Variants in ZNF730 observed in about 807,000 individuals in gnomAD.
The protein encoded by ZNF730 is putative zinc finger protein 730.
In ZNF730, 12 loss-of-function variants were observed where a neutral mutation model predicts 12.6. The ratio of observed to expected loss-of-function variants is 0.95; its 90% CI spans 0.61 to 1.54. The LOEUF (loss-of-function observed/expected upper bound fraction) is 1.54, where lower values mean the gene tolerates loss of function less well. Ranked by LOEUF, ZNF730 falls within the 40% of genes most tolerant of loss-of-function variation. The pLI is 0.00. For missense variants in ZNF730, 643 were observed against 583.5 expected (o/e 1.10, Z -1.05); for synonymous variants, 194 against 195.8 (o/e 0.99, Z 0.08).
At position 23,103,295 on chromosome 19, in the gene ZNF730, A is replaced by T. The variant is rs1970356349; in HGVS notation, c.-94+27908A>T. Reference sequence around the variant, plus strand: ...TTGTAAAAATCTTGCAAAGAATTCCATGTGTGGTTATATTGACTAAATTCA... The same window carrying T: ...TTGTAAAAATCTTGCAAAGAATTCCTTGTGTGGTTATATTGACTAAATTCA... On this transcript the variant is annotated intron_variant, in intron 1 of 2. Coordinates refer to the ZNF730 transcript ENST00000593635. Among the ~76,000 whole-genome samples the T allele has an allele frequency of 2.6e-5, 4 of 152,230 alleles. No individual in the cohort carries two copies. In the South Asian group the frequency reaches 8.3e-4, roughly 31 times the overall value.
At chr19:23,145,142 G>A in intron 3 of ZNF730, 129 bp from the exon 4 acceptor site, 1 of 638,086 alleles carries the variant, frequency 1.6e-6, no homozygotes, top group South Asian at 4.7e-5. Flanking sequence ...ATATGTTTAT[G>A]AAGAAATTAG....
intron 1 of ZNF730, among the ~76,000 whole-genome samples, chr19:23,128,940 T>C (rs1305761285): frequency 6.6e-6 from 1 of 152,146 alleles, no homozygotes. Context: ...ACTACAGTCA[T>C]GGCTAAAAGG....
intron 1 of ZNF730, among the ~76,000 whole-genome samples, chr19:23,083,338 C>T (rs946179055): frequency 8.5e-5 from 13 of 152,052 alleles, no homozygotes; most frequent in African/African-American, 3.1e-4. Flanking sequence ...GCAGGAGAAC[C>T]GCTTGAACCG....
chr19:23,117,071 C>T lies in ZNF730; in HGVS notation c.-103C>T, dbSNP rs373559913. On this transcript the variant is annotated 5_prime_UTR_variant, in exon 1 of 4. Transcript: ENST00000597761. The stretch of plus-strand genomic sequence containing the variant: ...CGAAGCTCCAATTTTCGTCTGTCTG[C>T]TTTGTGTCCTCTGCACGTAGAAGCC... 1.6e-5 allele frequency: 25 copies of T among 1,582,566 alleles called. No homozygotes were observed. Among genetic ancestry groups the T allele is most frequent in the South Asian group, 3.3e-5 (3 of 89,732 alleles).
In ZNF730 at chr19:23,106,861, T is replaced by C. The variant is rs146261149; in HGVS notation, c.-93-27219T>C. Among the ~76,000 whole-genome samples the C allele has an allele frequency of 3.7e-3, 563 of 152,166 alleles. 4 individuals carry two copies. Among genetic ancestry groups the C allele is most frequent in the African/African-American group, 0.011 (455 of 41,502 alleles). On this transcript the variant is annotated intron_variant, in intron 1 of 2. Coordinates refer to the ZNF730 transcript ENST00000593635. Reference sequence around the variant, plus strand: ...ATCACTTTGAAAAACAGTGTTTTGATTGAATACTGCAAGAGTCAAAAACTA... The same window carrying C: ...ATCACTTTGAAAAACAGTGTTTTGACTGAATACTGCAAGAGTCAAAAACTA...
intron 1 of ZNF730, among the ~76,000 whole-genome samples, chr19:23,129,333 A>C (rs541995856): frequency 3.9e-5 from 6 of 152,230 alleles, no homozygotes; most frequent in Middle Eastern, 3.4e-3. Context: ...CCAGCCCATG[A>C]AGGTGGCCAG....
At chr19:23,143,615 A>G (rs1382686174) in intron 3 of ZNF730, 1 of 152,202 alleles carries the variant, frequency 6.6e-6, no homozygotes, top group Admixed American at 6.5e-5. Flanking sequence ...GAAGTTTTAT[A>G]AGTATATGCA....
chr19:23,144,456 T>C (rs544248406), intron 3 of ZNF730, among the ~76,000 whole-genome samples: 2 of 152,232 alleles, frequency 1.3e-5, no homozygotes, highest in African/African-American at 4.8e-5. Context: ...ATCCCAGCAC[T>C]TTGAGAGGCT....
chr19:23,076,388 C>G (rs980905351), intron 1 of ZNF730, among the ~76,000 whole-genome samples: 2 of 152,208 alleles, frequency 1.3e-5, no homozygotes, highest in African/African-American at 4.8e-5. Context: ...CCACTTTTAT[C>G]TTCCCTAGGT....
chr19:23,109,916 C>T (rs1970441592), intron 1 of ZNF730, among the ~76,000 whole-genome samples: 1 of 151,998 alleles, frequency 6.6e-6, no homozygotes, highest in Admixed American at 6.6e-5. Flanking sequence ...GTTATTATGA[C>T]AAATTATTGT....
chr19:23,096,704 A>G (rs1262115575), intron 1 of ZNF730, among the ~76,000 whole-genome samples: 2 of 152,154 alleles, frequency 1.3e-5, no homozygotes, highest in African/African-American at 4.8e-5. Context: ...CCTCCCCACA[A>G]GGGGTACTGT....
At chr19:23,096,156 A>G (rs1970247150) in intron 1 of ZNF730, among the ~76,000 whole-genome samples, 1 of 152,006 alleles carries the variant, frequency 6.6e-6, no homozygotes, top group African/African-American at 2.4e-5. Flanking sequence ...TGAGACCCTC[A>G]ATTAGGTGAA....
Position 23,117,051 on chromosome 19 carries a change from C to T in ZNF730, c.-123C>T. The T allele has an allele frequency of 6.6e-7, 1 of 1,511,950 alleles. No homozygotes were observed. Among genetic ancestry groups the T allele is most frequent in the Non-Finnish European group, 9.0e-7 (1 of 1,110,640 alleles). 93.7% of individuals were successfully genotyped at this position (1,511,950 alleles called of 1,614,324 possible). A position where few individuals can be genotyped will look rare whatever the true frequency, so the allele number is the denominator to read the frequency against. The stretch of plus-strand genomic sequence containing the variant: ...CCTTTGTTTCTCGCTGCCGCCGAAG[C>T]TCCAATTTTCGTCTGTCTGCTTTGT... On this transcript the variant is annotated 5_prime_UTR_variant, in exon 1 of 4. Transcript: ENST00000597761.
intron 1 of ZNF730, among the ~76,000 whole-genome samples, chr19:23,104,054 T>C (rs920601461): frequency 1.3e-5 from 2 of 152,166 alleles, no homozygotes; most frequent in African/African-American, 2.4e-5. Flanking sequence ...CTTACACCTG[T>C]AATCCCAGCA....
Position 23,117,185 on chromosome 19 carries a change from GCCGGTCCGA to G in ZNF730, c.3+11_3+19del. ...CTGGAAGCCTAGAAATGGTGAGAGT[GCCGGTCCGA>G]CATCCCGAGAGAGGGAACGGGGCTG... On this transcript the variant is annotated intron_variant, in intron 1 of 3. Coordinates refer to ENST00000597761, the MANE Select transcript of ZNF730 (RefSeq NM_001277403.2). The G allele has an allele frequency of 1.2e-6, 2 of 1,613,930 alleles. No individual in the cohort carries two copies. Among genetic ancestry groups the G allele is most frequent in the Non-Finnish European group, 1.7e-6 (2 of 1,179,820 alleles).
chr19:23,104,950 G>A (rs1970375385), intron 1 of ZNF730, among the ~76,000 whole-genome samples: 1 of 152,040 alleles, frequency 6.6e-6, no homozygotes, highest in Non-Finnish European at 1.5e-5. Context: ...ACATGGCTGT[G>A]CTCAGCTTTA....
At chr19:23,100,766 C>T (rs936474692) in intron 1 of ZNF730, among the ~76,000 whole-genome samples, 3 of 151,274 alleles carry the variant, frequency 2.0e-5, no homozygotes, top group African/African-American at 4.9e-5. Flanking sequence ...AGCGATTCTC[C>T]TGCCTCATCC....
Position 23,081,640 on chromosome 19 carries a change from A to G in ZNF730, c.-94+6253A>G, listed in dbSNP as rs186909333. Reference sequence around the variant, plus strand: ...TGGCTAATTTTTGTATTTTCAGTGGAGATGGGATTTTGCCATGTTGGCCAG... The same window carrying G: ...TGGCTAATTTTTGTATTTTCAGTGGGGATGGGATTTTGCCATGTTGGCCAG... On this transcript the variant is annotated intron_variant, in intron 1 of 2. Transcript: ENST00000593635. Among the ~76,000 whole-genome samples, 63 of 152,174 alleles carry G rather than the reference A, an allele frequency of 4.1e-4. No homozygotes were observed. In the South Asian group the frequency reaches 6.4e-3, roughly 16 times the overall value.
At chr19:23,106,050 A>C (rs1361966340) in intron 1 of ZNF730, among the ~76,000 whole-genome samples, 1 of 152,114 alleles carries the variant, frequency 6.6e-6, no homozygotes, top group Non-Finnish European at 1.5e-5. Flanking sequence ...TAATCTCAGC[A>C]TGTTGGGAGG....
Sources: gnomAD v4.1 joint callset for allele counts (sites outside exome capture counted in the v4.1 genomes callset) on GRCh38, gnomAD v4.1.1 for gene constraint, MANE v1.5 for transcripts, NCBI Gene and HGNC (gene_info 2026-07-23, HGNC 2026-07-21) for gene names.